Variants in ADD1 observed in about 807,000 individuals in gnomAD.
The protein encoded by ADD1 is adducin 1.
Under a neutral mutation model 80.5 loss-of-function variants are expected in ADD1, and 24 were observed. The ratio of observed to expected loss-of-function variants is 0.30; its 90% CI spans 0.22 to 0.42. ADD1 has a LOEUF of 0.42. Among genes scored for constraint, ADD1 ranks in the 10% least tolerant of loss-of-function variants. ADD1 has a pLI of 1.00. For missense variants in ADD1, 948 were observed against 1,019.0 expected, an observed-to-expected ratio of 0.93 and a Z score of 0.95; for synonymous variants, 373 against 393.8, an observed-to-expected ratio of 0.95 and a Z score of 0.63.
intron 2 of ADD1, among the ~76,000 whole-genome samples, chr4:2,877,665 G>A (rs1248924601): frequency 6.6e-6 from 1 of 152,122 alleles, no homozygotes; most frequent in African/African-American, 2.4e-5. Flanking sequence ...GAAGGAGCCA[G>A]TCTTTCAAGA....
intron 1 of ADD1, among the ~76,000 whole-genome samples, chr4:2,864,466 A>G (rs1729255825): frequency 6.6e-6 from 1 of 152,238 alleles, no homozygotes; most frequent in Non-Finnish European, 1.5e-5. Context: ...GTAAAATATA[A>G]AACTTTAAAC....
intron 15 of ADD1, among the ~76,000 whole-genome samples, 194 bp from the exon 16 acceptor site, chr4:2,927,977 C>A (rs1712164107): frequency 6.6e-6 from 1 of 152,156 alleles, no homozygotes; most frequent in African/African-American, 2.4e-5. Context: ...TACCCCGAGA[C>A]TGAGTCTGTA....
At chr4:2,851,527 C>G (rs915376354) in intron 1 of ADD1, among the ~76,000 whole-genome samples, 2 of 152,140 alleles carry the variant, frequency 1.3e-5, no homozygotes, top group Non-Finnish European at 2.9e-5. Flanking sequence ...CAAAATAAAG[C>G]CTATGTAGAG....
At chr4:2,874,056 A>G (rs549152951) in intron 1 of ADD1, among the ~76,000 whole-genome samples, 2 of 149,112 alleles carry the variant, frequency 1.3e-5, no homozygotes, top group Non-Finnish European at 3.0e-5. Context: ...CCAAAGAACT[A>G]AAAAAAAAAT....
intron 1 of ADD1, among the ~76,000 whole-genome samples, chr4:2,854,178 G>A (rs967442446): frequency 2.0e-5 from 3 of 152,034 alleles, no homozygotes; most frequent in Admixed American, 1.3e-4. Context: ...AACAAAATTA[G>A]CCCAGTGTGG....
intron 4 of ADD1, among the ~76,000 whole-genome samples, chr4:2,885,458 T>C (rs1733101987): frequency 1.3e-5 from 2 of 152,274 alleles, no homozygotes; most frequent in African/African-American, 2.4e-5. Context: ...CTGACCTCCT[T>C]CTTCCACCAA....
chr4:2,862,770 A>G (rs1482722259), intron 1 of ADD1, among the ~76,000 whole-genome samples: 1 of 152,030 alleles, frequency 6.6e-6, no homozygotes, highest in African/African-American at 2.4e-5. Context: ...TATCATGTTT[A>G]TTGCCTGGCT....
intron 1 of ADD1, among the ~76,000 whole-genome samples, chr4:2,849,840 T>C (rs891231695): frequency 6.6e-6 from 1 of 152,174 alleles, no homozygotes; most frequent in East Asian, 1.9e-4. Flanking sequence ...TTTACTGTGG[T>C]TTGCTGAGGG....
chr4:2,899,361 G>A lies in ADD1; in HGVS notation c.1087G>A (p.Gly363Ser). ...SRSPGSPVGE[G>S]TGSPPKWQIG... ...TTCCCCAGGGTCTCCGGTAGGGGAAGGCACTGGATCGCCTCCCAAGTGGCA... is the reference window on the plus strand; with the variant it reads ...TTCCCCAGGGTCTCCGGTAGGGGAAAGCACTGGATCGCCTCCCAAGTGGCA... The change falls in exon 9 of 16, where the codon GGC becomes AGC. Residue 363 changes from glycine (G) to serine (S), a missense_variant. Transcript: ENST00000683351. 1.9e-6 allele frequency: 3 copies of A among 1,614,224 alleles called. No individual in the cohort carries two copies. The highest frequency in any genetic ancestry group is 2.5e-6 in the Non-Finnish European group (3 of 1,180,032).
intron 15 of ADD1, among the ~76,000 whole-genome samples, chr4:2,927,242 G>A (rs1469258355): frequency 1.3e-5 from 2 of 152,182 alleles, no homozygotes; most frequent in African/African-American, 2.4e-5. Flanking sequence ...CAGGGGGAGC[G>A]GCGCCTGTGT....
intron 9 of ADD1, chr4:2,899,668 TCAGTGG>T: frequency 1.8e-6 from 1 of 548,646 alleles, no homozygotes; most frequent in Admixed American, 2.8e-5. Flanking sequence ...GTGTTTGGAC[TCAGTGG>T]GGACAAGAGC....
chr4:2,899,683 G>C, intron 9 of ADD1: 1 of 511,024 alleles, frequency 2.0e-6, no homozygotes, highest in Admixed American at 3.0e-5. Context: ...GGGGACAAGA[G>C]CACAGAGAAT....
chr4:2,916,541 A>T lies in ADD1; in HGVS notation c.1948+1501A>T, dbSNP rs560016168. Among the ~76,000 whole-genome samples, 352 of 151,968 alleles carry T rather than the reference A, an allele frequency of 2.3e-3. 2 individuals are homozygous for T. The highest frequency in any genetic ancestry group is 2.8e-3 in the Non-Finnish European group (190 of 67,958). The stretch of plus-strand genomic sequence containing the variant: ...TTTTGTCTCTCTCTCTCTTTTTTTT[A>T]AATTAATTATACTTTAAGTTTTGGG... On this transcript the variant is annotated intron_variant, in intron 14 of 15. Transcript: ENST00000683351.
At chr4:2,905,970 A>G (rs1421947910) in intron 10 of ADD1, among the ~76,000 whole-genome samples, 1 of 152,100 alleles carries the variant, frequency 6.6e-6, no homozygotes, top group African/African-American at 2.4e-5. Context: ...AAGCCCCTGG[A>G]ATGGAGGAGA....
Position 2,926,179 on chromosome 4 carries a change from T to C in ADD1, c.2047+67T>C. The C allele has an allele frequency of 6.4e-6, 9 of 1,413,808 alleles. No homozygotes were observed. In the South Asian group the frequency reaches 8.1e-5, roughly 13 times the overall value. The allele number at this position is 1,413,808 out of a possible 1,614,324, so 87.6% of individuals were successfully genotyped here. On this transcript the variant is annotated intron_variant, in intron 15 of 15. Coordinates refer to ENST00000683351, the MANE Select transcript of ADD1 (RefSeq NM_001354761.2). This position sits in a 1 kb window ranked among gnomAD's most constrained non-coding sequence, Gnocchi z 5.0. Reference sequence around the variant, plus strand: ...ACGGCTCGTGCGCGCTGTGGCGGAATGTGGCGGGAGTCGTGTTAACAGCAA... The same window carrying C: ...ACGGCTCGTGCGCGCTGTGGCGGAACGTGGCGGGAGTCGTGTTAACAGCAA...
intron 14 of ADD1, among the ~76,000 whole-genome samples, chr4:2,915,749 G>A (rs1014948): frequency 0.22 from 33,654 of 152,110 alleles, 4,343 homozygotes; most frequent in Non-Finnish European, 0.28. Flanking sequence ...GCTTGAACCC[G>A]GGGGGCGGAG....
intron 1 of ADD1, among the ~76,000 whole-genome samples, chr4:2,858,554 A>G (rs1170429121): frequency 6.6e-6 from 1 of 152,246 alleles, no homozygotes; most frequent in East Asian, 1.9e-4. Flanking sequence ...TAAACACCCA[A>G]ACCAGATTCT....
At chr4:2,918,769 A>C (rs1423712522) in intron 14 of ADD1, among the ~76,000 whole-genome samples, 1 of 151,778 alleles carries the variant, frequency 6.6e-6, no homozygotes, top group Non-Finnish European at 1.5e-5. Flanking sequence ...CTATTGAGAT[A>C]ATCATGTGGT....
At chr4:2,892,603 G>A (rs1391292193) in intron 4 of ADD1, among the ~76,000 whole-genome samples, 1 of 152,124 alleles carries the variant, frequency 6.6e-6, no homozygotes, top group Non-Finnish European at 1.5e-5. Context: ...GCTGAGGCGG[G>A]AGGATTGCTT....
Sources: allele counts gnomAD v4.1 joint callset (sites outside exome capture counted in the v4.1 genomes callset), GRCh38; gene constraint gnomAD v4.1.1; non-coding constraint Gnocchi (gnomAD v3.1); transcripts MANE v1.5; gene names NCBI Gene and HGNC (gene_info 2026-07-23, HGNC 2026-07-21).